The following DAB1 variants were observed in gnomAD, a reference collection of about 807,000 sequenced individuals.
DAB1 encodes disabled homolog 1.
Under a neutral mutation model 64.6 loss-of-function variants are expected in DAB1, and 15 were observed. The observed-to-expected ratio is 0.23, with a 90% confidence interval of 0.16 to 0.36. The LOEUF is 0.36. DAB1 is among the 10% of genes least tolerant of loss of function. The pLI is 1.00. For synonymous variants in DAB1, 235 were observed against 251.9 expected, an observed-to-expected ratio of 0.93 and a Z score of 0.64; for missense variants, 596 against 706.7, an observed-to-expected ratio of 0.84 and a Z score of 1.78.
chr1:57,278,980 A>G (rs1671685205), intron 2 of DAB1, among the ~76,000 whole-genome samples: 1 of 152,220 alleles, frequency 6.6e-6, no homozygotes, highest in South Asian at 2.1e-4. Context: ...GCTGACAGAT[A>G]GTAGCTACCT....
chr1:58,506,987 A>G (rs766294889), intron 2 of DAB1, among the ~76,000 whole-genome samples: 6 of 152,108 alleles, frequency 3.9e-5, no homozygotes, highest in Non-Finnish European at 5.9e-5. Flanking sequence ...ATATACTTGT[A>G]TATGCACAGA....
chr1:57,556,318 G>C (rs964155015), intron 7 of DAB1, among the ~76,000 whole-genome samples: 4 of 152,072 alleles, frequency 2.6e-5, no homozygotes, highest in Non-Finnish European at 4.4e-5. Flanking sequence ...TGGATCAAAT[G>C]GTGGTTCTAC....
chr1:57,572,383 T>G (rs1021527376), intron 7 of DAB1, among the ~76,000 whole-genome samples: 2 of 152,274 alleles, frequency 1.3e-5, no homozygotes, highest in South Asian at 4.1e-4. Context: ...TGAATAATTT[T>G]TGTGAGGTGT....
At chr1:57,242,399 C>T (rs989045830) in intron 2 of DAB1, among the ~76,000 whole-genome samples, 36 of 152,060 alleles carry the variant, frequency 2.4e-4, no homozygotes, top group Admixed American at 2.2e-3. Context: ...GCAACTTTTC[C>T]AGAGGGGAAG....
At chr1:58,422,350 G>T (rs116734468) in intron 3 of DAB1, among the ~76,000 whole-genome samples, 1 of 151,646 alleles carries the variant, frequency 6.6e-6, no homozygotes, top group East Asian at 1.9e-4. Context: ...ATCCAGCTGC[G>T]GGCAAAATAT....
chr1:58,482,904 T>G (rs2100352388), intron 3 of DAB1, among the ~76,000 whole-genome samples: 1 of 152,200 alleles, frequency 6.6e-6, no homozygotes, highest in East Asian at 1.9e-4. Context: ...TAAGTTTTAC[T>G]CTAAACAGCC....
rs144686656 is a variant in DAB1, at chr1:58,536,349, T to C, written n.33-9014A>G. ...ATGCTAGGAAAAGCAATGTAGGCAG[T>C]AGGAATACTAAGTGTGAAAGGTCTG... On this transcript the variant is annotated intron_variant and non_coding_transcript_variant, in intron 1 of 20. Transcript: ENST00000485760. Among the ~76,000 whole-genome samples the C allele has an allele frequency of 3.1e-3, 479 of 152,182 alleles. 1 individual carries two copies. Among genetic ancestry groups the C allele is most frequent in the African/African-American group, 0.011 (455 of 41,520 alleles).
chr1:57,065,881 C>G (rs577849823), intron 8 of DAB1, among the ~76,000 whole-genome samples: 1 of 152,292 alleles, frequency 6.6e-6, no homozygotes, highest in African/African-American at 2.4e-5. Flanking sequence ...CCATGGTCAC[C>G]ATCTCATCCC....
chr1:57,584,600 C>G (rs1645355365), intron 7 of DAB1, among the ~76,000 whole-genome samples: 1 of 152,176 alleles, frequency 6.6e-6, no homozygotes, highest in Admixed American at 6.5e-5. Flanking sequence ...TCTCCCTGAA[C>G]AGGCACTAGG....
chr1:57,396,865 T>A (rs1682850800), intron 1 of DAB1, among the ~76,000 whole-genome samples: 1 of 152,196 alleles, frequency 6.6e-6, no homozygotes, highest in Admixed American at 6.5e-5. Flanking sequence ...ATCAGTGGGA[T>A]CTTTATTATA....
intron 6 of DAB1, among the ~76,000 whole-genome samples, chr1:57,783,574 C>T (rs761239565): frequency 6.6e-6 from 1 of 152,060 alleles, no homozygotes; most frequent in Non-Finnish European, 1.5e-5. Flanking sequence ...CTTTATTGTG[C>T]ACCATTTTAT....
chr1:58,332,136 G>A (rs540535024), intron 4 of DAB1, among the ~76,000 whole-genome samples: 95 of 152,006 alleles, frequency 6.2e-4, no homozygotes, highest in Non-Finnish European at 1.1e-3. Flanking sequence ...CAGTGATCTC[G>A]ATGTGGCTAA....
intron 1 of DAB1, among the ~76,000 whole-genome samples, chr1:57,413,088 C>G (rs1308765936): frequency 2.0e-5 from 3 of 152,140 alleles, no homozygotes; most frequent in Non-Finnish European, 4.4e-5. Flanking sequence ...TCTGCCTGTA[C>G]TCTAAAAATG....
intron 9 of DAB1, among the ~76,000 whole-genome samples, chr1:57,045,155 G>A (rs1157548326): frequency 1.3e-5 from 2 of 152,144 alleles, no homozygotes; most frequent in South Asian, 2.1e-4. Flanking sequence ...GGTATAAGAC[G>A]ACCTGTGTTT....
At chr1:57,937,283 G>A (rs1645040221) in intron 5 of DAB1, among the ~76,000 whole-genome samples, 1 of 152,138 alleles carries the variant, frequency 6.6e-6, no homozygotes, top group Non-Finnish European at 1.5e-5. Context: ...GCAGGGTGAA[G>A]AGTGGTGGGA....
chr1:57,641,936 C>T (rs924852371), intron 7 of DAB1, among the ~76,000 whole-genome samples: 2 of 152,136 alleles, frequency 1.3e-5, no homozygotes, highest in Non-Finnish European at 2.9e-5. Context: ...CCACATAGGT[C>T]TGGGTTAGAG....
chr1:58,109,407 C>G (rs913527423), intron 5 of DAB1, among the ~76,000 whole-genome samples: 2 of 152,132 alleles, frequency 1.3e-5, no homozygotes, highest in Non-Finnish European at 2.9e-5. Context: ...TTTGCTAGAT[C>G]ACTCAGGGTA....
At chr1:57,332,772 C>T (rs1189531962) in intron 1 of DAB1, among the ~76,000 whole-genome samples, 3 of 152,200 alleles carry the variant, frequency 2.0e-5, no homozygotes, top group Non-Finnish European at 4.4e-5. Flanking sequence ...AGGGATTGTT[C>T]AAGGTCACAT....
Position 57,581,430 on chromosome 1 carries a change from G to A in DAB1, n.625+68162C>T, listed in dbSNP as rs553320955. Among the ~76,000 whole-genome samples, 11 of 152,236 alleles carry A rather than the reference G, an allele frequency of 7.2e-5. 2 individuals carry two copies. In the South Asian group the frequency reaches 2.3e-3, roughly 32 times the overall value. On this transcript the variant is annotated intron_variant and non_coding_transcript_variant, in intron 7 of 20. Coordinates refer to the DAB1 transcript ENST00000485760. ...GTAAAGGATTTGAATACAATGGAAA[G>A]TCCATGGGTGAAGACTCTCCTTTAG...
Sources: allele counts gnomAD v4.1 joint callset (sites outside exome capture counted in the v4.1 genomes callset), GRCh38; gene constraint gnomAD v4.1.1; transcripts MANE v1.5; gene names NCBI Gene and HGNC (gene_info 2026-07-23, HGNC 2026-07-21).